CORO7: variants seen among roughly 807,000 people sequenced by gnomAD.
CORO7 encodes the protein coronin 7.
In CORO7, 107 loss-of-function variants were observed where a neutral mutation model predicts 126.6. The ratio of observed to expected loss-of-function variants is 0.85; its 90% CI spans 0.72 to 0.99. The LOEUF is 0.99. Ranked by LOEUF, CORO7 falls within the 50% of genes least tolerant of loss-of-function variation. The pLI is 0.00. For missense variants in CORO7, 1,314 were observed against 1,255.8 expected, an observed-to-expected ratio of 1.05 and a Z score of -0.70; for synonymous variants, 603 against 536.8, an observed-to-expected ratio of 1.12 and a Z score of -1.70.
At chr16:4,369,595 C>T (rs770115086) in intron 9 of CORO7, among the ~76,000 whole-genome samples, 7 of 152,172 alleles carry the variant, frequency 4.6e-5, no homozygotes, top group Non-Finnish European at 7.3e-5. Flanking sequence ...TTTCAGCCTC[C>T]GGATAAGCCC....
At chr16:4,395,430 T>C in intron 6 of CORO7, 91 bp from the exon 7 acceptor site, 1 of 1,562,276 alleles carries the variant, frequency 6.4e-7, no homozygotes, top group Non-Finnish European at 8.8e-7. Context: ...AACCCCCAGC[T>C]CTGAGCAGCC....
intron 7 of CORO7, among the ~76,000 whole-genome samples, chr16:4,395,044 C>T (rs1424002261): frequency 3.3e-5 from 5 of 152,172 alleles, no homozygotes; most frequent in Admixed American, 6.5e-5. Flanking sequence ...CGATGGCCTC[C>T]GTGGAGAGCC....
chr16:4,358,863 G>T (rs2141177296), intron 23 of CORO7: 1 of 279,130 alleles, frequency 3.6e-6, no homozygotes, highest in Admixed American at 4.7e-5. Flanking sequence ...GTGATAAACT[G>T]AGTGTTTATT....
Position 4,364,862 on chromosome 16 carries a change from C to A in CORO7, c.957G>T (p.Ala319=), listed in dbSNP as rs758151484. ...GTACCTCGCAGCTCATGACGGCCAG[C>A]GCCTGCCGGGGCACAAGGGCAGCCC... ...LRGAALVPRQ[A]LAVMSCEVLR... The change falls in exon 12 of 28, where the codon GCG becomes GCT. Residue 319 remains alanine (A), a synonymous_variant. Coordinates refer to ENST00000251166, the MANE Select transcript of CORO7 (RefSeq NM_024535.5). 6.2e-7 allele frequency: 1 copy of A among 1,611,672 alleles called. No individual in the cohort carries two copies. Among genetic ancestry groups the A allele is most frequent in the Non-Finnish European group, 8.5e-7 (1 of 1,179,700 alleles).
chr16:4,359,407 G>A, intron 22 of CORO7, 22 bp from the exon 23 acceptor site: 1 of 1,613,538 alleles, frequency 6.2e-7, no homozygotes. Context: ...AAGGCAGGCT[G>A]GGAACCCTCC....
At chr16:4,370,091 A>G (rs2054473548) in intron 9 of CORO7, among the ~76,000 whole-genome samples, 1 of 152,166 alleles carries the variant, frequency 6.6e-6, no homozygotes, top group African/African-American at 2.4e-5. Flanking sequence ...CAGAGGTGAG[A>G]AGCTTCAAGG....
intron 9 of CORO7, among the ~76,000 whole-genome samples, chr16:4,380,186 C>T (rs2054902780): frequency 6.6e-6 from 1 of 152,290 alleles, no homozygotes; most frequent in African/African-American, 2.4e-5. Context: ...AGCTCTGTCA[C>T]CAGCCTCAGC....
chr16:4,415,630 T>G (rs1212973858), intron 1 of CORO7: 1 of 810,986 alleles, frequency 1.2e-6, no homozygotes, highest in Non-Finnish European at 1.5e-6. Context: ...CTACCCAGAC[T>G]GCCCTGACTT....
chr16:4,369,380 C>T (rs913974423), intron 9 of CORO7, among the ~76,000 whole-genome samples: 4 of 152,210 alleles, frequency 2.6e-5, no homozygotes, highest in Admixed American at 6.5e-5. Flanking sequence ...AGGCAGAGGG[C>T]CAGAGGTGGT....
At chr16:4,360,242 T>A (rs28597097) in intron 21 of CORO7, 36 bp downstream of exon 21, 4 of 1,612,450 alleles carry the variant, frequency 2.5e-6, no homozygotes, top group Non-Finnish European at 3.4e-6. Context: ...ACAGGTGGCT[T>A]CTGAAGCCTG....
chr16:4,393,159 G>A (rs1020550961), intron 7 of CORO7, among the ~76,000 whole-genome samples: 2 of 152,228 alleles, frequency 1.3e-5, no homozygotes, highest in Non-Finnish European at 1.5e-5. Flanking sequence ...CCGGTAGGTC[G>A]GGGGCAGAAG....
At position 4,371,622 on chromosome 16, in the gene CORO7, G is replaced by A. The variant is rs368418023; in HGVS notation, c.786-6077C>T. The stretch of plus-strand genomic sequence containing the variant: ...TCTCTCGCTTTTTACACAAAAAGCA[G>A]AAACCTGCCCAGTGTCATCCGGCAA... On this transcript the variant is annotated intron_variant, in intron 9 of 27. Transcript: ENST00000251166. Among the ~76,000 whole-genome samples, 11 of 152,260 alleles carry A rather than the reference G, an allele frequency of 7.2e-5. 1 individual carries two copies. In the South Asian group the frequency reaches 8.3e-4, roughly 11 times the overall value.
At chr16:4,365,163 G>A in intron 10 of CORO7, 103 bp from the exon 11 acceptor site, 1 of 1,505,330 alleles carries the variant, frequency 6.6e-7, no homozygotes, top group Non-Finnish European at 9.0e-7. Context: ...CTGAGCCACA[G>A]AACCACAGTG....
chr16:4,399,626 A>G (rs1267935112), intron 6 of CORO7, among the ~76,000 whole-genome samples: 4 of 152,212 alleles, frequency 2.6e-5, no homozygotes. Context: ...AAAATGGTTA[A>G]GATGGTGAAT....
rs764328160 is a variant in CORO7 at position 4,362,748 on chromosome 16, G to A, written c.1276-10C>T. ...GGGAAGAGAAACCCTCCTGGGGAGG[G>A]GCATGGGGTCAGCCAGCCTGCTCCT... On this transcript the variant is annotated splice_polypyrimidine_tract_variant and intron_variant, in intron 14 of 27. Transcript: ENST00000251166. The surrounding 1 kb of genome is among the most constrained non-coding windows in gnomAD (Gnocchi z 5.3). The A allele has an allele frequency of 7.2e-7, 1 of 1,389,608 alleles. No individual in the cohort carries two copies. Among genetic ancestry groups the A allele is most frequent in the Non-Finnish European group, 9.4e-7 (1 of 1,067,072 alleles). The allele number at this position is 1,389,608 out of a possible 1,614,324, so 86.1% of individuals were successfully genotyped here.
intron 9 of CORO7, among the ~76,000 whole-genome samples, chr16:4,379,601 T>TG (rs1339643760): frequency 3.3e-5 from 5 of 152,080 alleles, no homozygotes; most frequent in African/African-American, 1.2e-4. Context: ...ACGTGGCTGC[T>TG]GGGGGGCTAC....
rs2055616546 is a variant in CORO7, at chr16:4,396,985, C to T, written c.565-1646G>A. ...GAGCTGAGATTGCACCACTGCACTC[C>T]AGCCTGGGCAACAGAGTGAGACTCA... On this transcript the variant is annotated intron_variant, in intron 6 of 27. Coordinates refer to ENST00000251166, the MANE Select transcript of CORO7 (RefSeq NM_024535.5). 2.9e-5 allele frequency among the ~76,000 whole-genome samples: 4 copies of T among 139,436 alleles called. No individual in the cohort carries two copies. In the South Asian group the frequency reaches 6.7e-4, roughly 23 times the overall value. The allele number at this position is 139,436 out of a possible 152,430, so 91.5% of individuals were successfully genotyped here. A position where few individuals can be genotyped will look rare whatever the true frequency, so the allele number is the denominator to read the frequency against.
At chr16:4,396,245 A>G (rs1013536638) in intron 6 of CORO7, among the ~76,000 whole-genome samples, 2 of 152,018 alleles carry the variant, frequency 1.3e-5, no homozygotes, top group Non-Finnish European at 2.9e-5. Context: ...ACATCTGGCT[A>G]ATTTTTGTAT....
At chr16:4,383,063 C>G (rs2055059271) in intron 9 of CORO7, 1 of 762,908 alleles carries the variant, frequency 1.3e-6, no homozygotes, top group Admixed American at 3.6e-5. Context: ...CCTCGGTCTC[C>G]TCATCTGTGA....
Sources: allele counts gnomAD v4.1 joint callset (sites outside exome capture counted in the v4.1 genomes callset), GRCh38; gene constraint gnomAD v4.1.1; non-coding constraint Gnocchi (gnomAD v3.1); transcripts MANE v1.5; gene names NCBI Gene and HGNC (gene_info 2026-07-23, HGNC 2026-07-21).